Variants in ST6GALNAC3 observed in about 807,000 individuals in gnomAD.
ST6GALNAC3 encodes alpha-N-acetylgalactosaminide alpha-2,6-sialyltransferase 3.
In ST6GALNAC3, 25 loss-of-function variants were observed where a neutral mutation model predicts 32.7. The ratio of observed to expected loss-of-function variants is 0.76; its 90% CI spans 0.56 to 1.07. The LOEUF is 1.07. Ranked by LOEUF, ST6GALNAC3 falls within the 50% of genes least tolerant of loss-of-function variation. The pLI is 0.00. For missense variants in ST6GALNAC3, 355 were observed against 382.4 expected (o/e 0.93, Z 0.60); for synonymous variants, 129 against 133.1 (o/e 0.97, Z 0.21).
intron 3 of ST6GALNAC3, among the ~76,000 whole-genome samples, chr1:76,489,881 C>T (rs6665907): frequency 0.17 from 26,337 of 152,112 alleles, 2,765 homozygotes; most frequent in African/African-American, 0.29. Context: ...GTTGAAGAAG[C>T]TTTTATGTCC....
At chr1:76,626,982 G>A (rs912200270) in intron 3 of ST6GALNAC3, among the ~76,000 whole-genome samples, 4 of 151,890 alleles carry the variant, frequency 2.6e-5, no homozygotes, top group Non-Finnish European at 5.9e-5. Flanking sequence ...TACACTGCAT[G>A]TAAGTTACAC....
chr1:76,556,644 C>T (rs1437647338), intron 3 of ST6GALNAC3, among the ~76,000 whole-genome samples: 4 of 152,034 alleles, frequency 2.6e-5, no homozygotes, highest in South Asian at 2.1e-4. Flanking sequence ...AGCATCTTTT[C>T]CTGTACTTAC....
intron 3 of ST6GALNAC3, among the ~76,000 whole-genome samples, chr1:76,533,825 C>A (rs571548306): frequency 5.9e-5 from 9 of 152,262 alleles, no homozygotes; most frequent in African/African-American, 2.2e-4. Context: ...AGGACCCTAA[C>A]CTTATTCTTC....
chr1:76,603,554 G>C (rs1647339969), intron 3 of ST6GALNAC3, among the ~76,000 whole-genome samples: 1 of 152,182 alleles, frequency 6.6e-6, no homozygotes. Flanking sequence ...TACATGCACA[G>C]TAAAATGACG....
At chr1:76,363,776 C>T (rs1322386337) in intron 2 of ST6GALNAC3, among the ~76,000 whole-genome samples, 3 of 151,864 alleles carry the variant, frequency 2.0e-5, no homozygotes, top group African/African-American at 7.3e-5. Flanking sequence ...TGGCGGAAAG[C>T]AAAAAGGGGG....
At chr1:76,417,484 A>G (rs925308192) in intron 3 of ST6GALNAC3, among the ~76,000 whole-genome samples, 1 of 152,146 alleles carries the variant, frequency 6.6e-6, no homozygotes, top group African/African-American at 2.4e-5. Flanking sequence ...CTGAAATATG[A>G]TGGAAATGCT....
At chr1:76,532,245 C>T (rs866662620) in intron 3 of ST6GALNAC3, among the ~76,000 whole-genome samples, 14 of 152,136 alleles carry the variant, frequency 9.2e-5, no homozygotes, top group East Asian at 1.9e-4. Context: ...ATTTGCCTCC[C>T]GAAACCGTAG....
At chr1:76,423,957 G>A (rs1046868767) in intron 3 of ST6GALNAC3, among the ~76,000 whole-genome samples, 3 of 151,866 alleles carry the variant, frequency 2.0e-5, no homozygotes, top group Admixed American at 6.6e-5. Flanking sequence ...TAATATCCTC[G>A]TAATGAAATG....
chr1:76,366,909 A>C (rs911099519), intron 2 of ST6GALNAC3, among the ~76,000 whole-genome samples: 2 of 152,222 alleles, frequency 1.3e-5, no homozygotes, highest in Non-Finnish European at 2.9e-5. Flanking sequence ...GAGACTAAGA[A>C]GTCTTTGTTG....
intron 3 of ST6GALNAC3, among the ~76,000 whole-genome samples, chr1:76,427,769 G>A (rs1325397403): frequency 6.6e-6 from 1 of 152,080 alleles, no homozygotes; most frequent in Non-Finnish European, 1.5e-5. Flanking sequence ...TTGCAGTTGG[G>A]GGAGACAGAT....
At chr1:76,464,696 C>T (rs1412151439) in intron 3 of ST6GALNAC3, among the ~76,000 whole-genome samples, 1 of 152,198 alleles carries the variant, frequency 6.6e-6, no homozygotes, top group Non-Finnish European at 1.5e-5. Context: ...CATTCTACTT[C>T]ACAAGCATCC....
At chr1:76,273,622 A>G (rs1557743684) in intron 1 of ST6GALNAC3, among the ~76,000 whole-genome samples, 1 of 152,162 alleles carries the variant, frequency 6.6e-6, no homozygotes. Flanking sequence ...GTTAAATAAA[A>G]TTTTTAATAC....
intron 3 of ST6GALNAC3, among the ~76,000 whole-genome samples, chr1:76,494,742 T>C (rs1363071151): frequency 1.8e-5 from 1 of 56,728 alleles, no homozygotes; most frequent in Non-Finnish European, 3.5e-5. Context: ...TTCATGTGTA[T>C]GCACACACAC....
At chr1:76,216,809 A>G (rs1229368182) in intron 1 of ST6GALNAC3, among the ~76,000 whole-genome samples, 1 of 152,194 alleles carries the variant, frequency 6.6e-6, no homozygotes, top group Non-Finnish European at 1.5e-5. Flanking sequence ...AGCTAGGTTT[A>G]ATTTCTTTGA....
intron 1 of ST6GALNAC3, among the ~76,000 whole-genome samples, chr1:76,313,030 C>T (rs1349240247): frequency 2.0e-5 from 3 of 152,108 alleles, no homozygotes; most frequent in African/African-American, 7.2e-5. Flanking sequence ...GAGGAATGTT[C>T]TGCTGCTTGG....
chr1:76,174,292 G>A (rs1038802757), intron 1 of ST6GALNAC3, among the ~76,000 whole-genome samples: 3 of 152,132 alleles, frequency 2.0e-5, no homozygotes, highest in African/African-American at 7.2e-5. Context: ...ACAGAGAGTG[G>A]AACAATGTGC....
At chr1:76,413,314 A>T (rs1654396359) in intron 3 of ST6GALNAC3, among the ~76,000 whole-genome samples, 1 of 152,184 alleles carries the variant, frequency 6.6e-6, no homozygotes, top group South Asian at 2.1e-4. Flanking sequence ...TTAAGGGAAG[A>T]TATTGAAACC....
intron 1 of ST6GALNAC3, among the ~76,000 whole-genome samples, chr1:76,221,346 G>A (rs1292449067): frequency 3.3e-5 from 5 of 152,142 alleles, no homozygotes; most frequent in Non-Finnish European, 7.4e-5. Flanking sequence ...CAGGGTCTGG[G>A]TTCTAGTTCC....
At chr1:76,476,517 G>T (rs765804200) in intron 3 of ST6GALNAC3, among the ~76,000 whole-genome samples, 1 of 152,136 alleles carries the variant, frequency 6.6e-6, no homozygotes, top group Admixed American at 6.5e-5. Flanking sequence ...TTCTTTTTCT[G>T]ATTCAGACAT....
Sources: allele counts gnomAD v4.1 joint callset (sites outside exome capture counted in the v4.1 genomes callset), GRCh38; gene constraint gnomAD v4.1.1; transcripts MANE v1.5; gene names NCBI Gene and HGNC (gene_info 2026-07-23, HGNC 2026-07-21).